The following SGCD variants were observed in gnomAD, a reference collection of about 807,000 sequenced individuals.
SGCD encodes delta-sarcoglycan.
SGCD carries 18 observed loss-of-function variants against 36.6 expected under a neutral mutation model. The observed-to-expected ratio is 0.49, with a 90% CI of 0.34 to 0.73. The LOEUF (loss-of-function observed/expected upper bound fraction) is 0.73. Among genes scored for constraint, SGCD ranks in the 30% least tolerant of loss-of-function variants. The pLI, the probability that SGCD is intolerant of heterozygous loss-of-function variation, is 0.01. For missense variants in SGCD, 387 were observed against 346.7 expected (o/e 1.12, Z -0.92); for synonymous variants, 133 against 130.6 (o/e 1.02, Z -0.12).
rs182854000 is a variant in SGCD, at chr5:156,049,659, T to C, written c.-281-68219T>C. On this transcript the variant is annotated intron_variant, in intron 1 of 9. Coordinates refer to the SGCD transcript ENST00000517913. ...TATATCTGTCATAAATAGTGATTCATTGATGGATTTGAGCAAAGTACATTG... is the reference window on the plus strand; with the variant it reads ...TATATCTGTCATAAATAGTGATTCACTGATGGATTTGAGCAAAGTACATTG... Among the ~76,000 whole-genome samples the C allele has an allele frequency of 5.5e-3, 808 of 146,602 alleles. 69 individuals carry two copies. Among genetic ancestry groups the C allele is most frequent in the Middle Eastern group, 0.022 (6 of 278 alleles).
intron 3 of SGCD, among the ~76,000 whole-genome samples, chr5:156,128,532 G>A (rs1036363151): frequency 7.2e-5 from 11 of 152,170 alleles, no homozygotes; most frequent in Admixed American, 2.6e-4. Flanking sequence ...GATATGGTTT[G>A]GCTCTGGGTC....
intron 6 of SGCD, among the ~76,000 whole-genome samples, chr5:156,619,653 C>G (rs948505523): frequency 2.6e-5 from 4 of 152,122 alleles, no homozygotes; most frequent in African/African-American, 9.7e-5. Flanking sequence ...GCTTTTCCAG[C>G]AGAGGCCAAG....
At chr5:156,011,591 C>T (rs146755861) in intron 1 of SGCD, among the ~76,000 whole-genome samples, 1 of 152,162 alleles carries the variant, frequency 6.6e-6, no homozygotes, top group Non-Finnish European at 1.5e-5. Flanking sequence ...AGGTGCCCAC[C>T]ACTGTGCCGG....
intron 3 of SGCD, among the ~76,000 whole-genome samples, chr5:156,347,777 T>A (rs1288243046): frequency 2.6e-5 from 4 of 152,174 alleles, no homozygotes; most frequent in Non-Finnish European, 5.9e-5. Flanking sequence ...TTCTAGAGTA[T>A]GTTTTATCTG....
chr5:156,677,565 CATTAGGAGGACTACCTA>C (rs1297558029), intron 7 of SGCD, among the ~76,000 whole-genome samples: 4 of 152,026 alleles, frequency 2.6e-5, no homozygotes, highest in Admixed American at 6.6e-5. Context: ...GGAGGGATAG[CATTAGGAGGACTACCTA>C]ATGTAAATGA....
the SGCD span, among the ~76,000 whole-genome samples, chr5:155,842,479 A>G: frequency 1.3e-5 from 2 of 152,092 alleles, no homozygotes; most frequent in East Asian, 1.9e-4. Flanking sequence ...AGGCTGAGGC[A>G]GGAGAGTTGC....
intron 7 of SGCD, among the ~76,000 whole-genome samples, chr5:156,715,231 G>T (rs887177117): frequency 3.9e-5 from 6 of 152,166 alleles, no homozygotes; most frequent in African/African-American, 1.4e-4. Flanking sequence ...GATGAATAAT[G>T]ATTAAATTCA....
intron 4 of SGCD, among the ~76,000 whole-genome samples, chr5:156,550,541 C>T (rs1169677317): frequency 1.3e-5 from 2 of 152,198 alleles, no homozygotes; most frequent in East Asian, 1.9e-4. Context: ...ACACTCAGAT[C>T]CCTTGGTCCA....
chr5:156,164,566 A>G (rs1021545714), intron 3 of SGCD, among the ~76,000 whole-genome samples: 32 of 152,222 alleles, frequency 2.1e-4, no homozygotes, highest in Admixed American at 2.0e-3. Flanking sequence ...CAAAAGAATG[A>G]CAGACATGGA....
At chr5:155,961,328 A>G (rs1225784001) in intron 1 of SGCD, among the ~76,000 whole-genome samples, 1 of 152,156 alleles carries the variant, frequency 6.6e-6, no homozygotes, top group Non-Finnish European at 1.5e-5. Flanking sequence ...CATTTAAATT[A>G]GTCTTTAAAA....
intron 3 of SGCD, among the ~76,000 whole-genome samples, chr5:156,281,927 G>C (rs926856521): frequency 1.3e-5 from 2 of 151,958 alleles, no homozygotes; most frequent in Non-Finnish European, 2.9e-5. Context: ...GATTTCAGTG[G>C]ATAAAACTTC....
intron 1 of SGCD, among the ~76,000 whole-genome samples, chr5:156,077,429 G>T (rs1258090296): frequency 1.3e-5 from 2 of 152,048 alleles, no homozygotes; most frequent in Non-Finnish European, 2.9e-5. Context: ...TAGTAATGAG[G>T]CCCAAATCCC....
At chr5:156,401,054 A>G (rs1050798630) in intron 3 of SGCD, among the ~76,000 whole-genome samples, 2 of 152,216 alleles carry the variant, frequency 1.3e-5, no homozygotes, top group African/African-American at 2.4e-5. Flanking sequence ...AATATAAGAC[A>G]TATTTCTTGC....
At chr5:156,381,503 T>C (rs890301140) in intron 3 of SGCD, among the ~76,000 whole-genome samples, 2 of 152,188 alleles carry the variant, frequency 1.3e-5, no homozygotes, top group Non-Finnish European at 2.9e-5. Flanking sequence ...TTGTTATCAT[T>C]CATCCATAAG....
At chr5:156,427,659 T>C (rs1397277585) in intron 3 of SGCD, among the ~76,000 whole-genome samples, 1 of 152,172 alleles carries the variant, frequency 6.6e-6, no homozygotes, top group Non-Finnish European at 1.5e-5. Context: ...TGCAGTCTGA[T>C]GTTGGCTGTG....
At chr5:156,232,598 T>G (rs919689174) in intron 3 of SGCD, among the ~76,000 whole-genome samples, 6 of 152,228 alleles carry the variant, frequency 3.9e-5, no homozygotes, top group Admixed American at 3.9e-4. Flanking sequence ...TTGTGACTGA[T>G]GTATACACCA....
At chr5:156,273,204 A>T (rs1324268791) in intron 3 of SGCD, among the ~76,000 whole-genome samples, 1 of 152,214 alleles carries the variant, frequency 6.6e-6, no homozygotes, top group Non-Finnish European at 1.5e-5. Context: ...CTAGGATTAC[A>T]AGCCCCAGGG....
At chr5:155,894,982 T>C (rs1338062167) in intron 1 of SGCD, among the ~76,000 whole-genome samples, 3 of 152,078 alleles carry the variant, frequency 2.0e-5, no homozygotes, top group African/African-American at 7.2e-5. Context: ...CCAAAAAGGT[T>C]GAGGACCACT....
chr5:156,185,669 C>T (rs187729246), intron 3 of SGCD, among the ~76,000 whole-genome samples: 5 of 151,404 alleles, frequency 3.3e-5, no homozygotes, highest in African/African-American at 1.2e-4. Flanking sequence ...TCTGACTTTC[C>T]CCAAGGAAAC....
Sources: allele counts gnomAD v4.1 joint callset (sites outside exome capture counted in the v4.1 genomes callset), GRCh38; gene constraint gnomAD v4.1.1; transcripts MANE v1.5; gene names NCBI Gene and HGNC (gene_info 2026-07-23, HGNC 2026-07-21).